ADGRL2: variants seen among roughly 807,000 people sequenced by gnomAD.
The protein encoded by ADGRL2 is adhesion G protein-coupled receptor L2.
A neutral mutation model predicts 157.4 loss-of-function variants in ADGRL2; 44 were observed. The ratio of observed to expected loss-of-function variants is 0.28; its 90% confidence interval spans 0.22 to 0.36. ADGRL2 has a LOEUF of 0.36. Ranked by LOEUF, ADGRL2 falls within the 10% of genes least tolerant of loss-of-function variation. ADGRL2 has a pLI of 1.00. For synonymous variants in ADGRL2, 585 were observed against 624.7 expected, an observed-to-expected ratio of 0.94 and a Z score of 0.95; for missense variants, 1,510 against 1,768.9, an observed-to-expected ratio of 0.85 and a Z score of 2.63.
At chr1:81,540,416 T>G (rs1032403215) in intron 2 of ADGRL2, among the ~76,000 whole-genome samples, 5 of 152,206 alleles carry the variant, frequency 3.3e-5, no homozygotes, top group African/African-American at 7.2e-5. Flanking sequence ...AGAGCAAGAT[T>G]GGCACAGTGC....
At chr1:81,641,731 A>G (rs965424403) in intron 3 of ADGRL2, among the ~76,000 whole-genome samples, 4 of 152,340 alleles carry the variant, frequency 2.6e-5, no homozygotes, top group South Asian at 4.1e-4. Flanking sequence ...GGAAAAAGGA[A>G]ATATCTAAAA....
At chr1:81,448,180 T>G (rs1305697112) in intron 2 of ADGRL2, among the ~76,000 whole-genome samples, 1 of 143,262 alleles carries the variant, frequency 7.0e-6, no homozygotes, top group Non-Finnish European at 1.5e-5. Context: ...AGTCTCGCTC[T>G]GTGGCCCAGG....
At chr1:81,587,911 A>G (rs2081059387) in intron 3 of ADGRL2, among the ~76,000 whole-genome samples, 1 of 152,152 alleles carries the variant, frequency 6.6e-6, no homozygotes, top group Admixed American at 6.6e-5. Flanking sequence ...TGTGCATACT[A>G]TCGGGTTTGG....
In ADGRL2 at chr1:81,490,782, T is replaced by C. The variant is rs551306130; in HGVS notation, c.-248+45693T>C. On this transcript the variant is annotated intron_variant, in intron 2 of 24. Transcript: ENST00000370721. ...TGGAAGGTACTTGAAATTTTAGTCCTAAGCATATCCTTTACATAAATGCAT... is the reference window on the plus strand; with the variant it reads ...TGGAAGGTACTTGAAATTTTAGTCCCAAGCATATCCTTTACATAAATGCAT... Among the ~76,000 whole-genome samples, 171 of 152,320 alleles carry C rather than the reference T, an allele frequency of 1.1e-3. 2 individuals carry two copies. The highest frequency in any genetic ancestry group is 9.2e-3 in the Admixed American group (141 of 15,298).
intron 3 of ADGRL2, among the ~76,000 whole-genome samples, chr1:81,646,599 A>C (rs1032522753): frequency 1.3e-5 from 2 of 152,230 alleles, no homozygotes; most frequent in African/African-American, 4.8e-5. Flanking sequence ...ATTAATTAAC[A>C]GGAGCCATAG....
At chr1:81,585,006 A>C (rs545418975) in intron 3 of ADGRL2, among the ~76,000 whole-genome samples, 1 of 152,268 alleles carries the variant, frequency 6.6e-6, no homozygotes, top group African/African-American at 2.4e-5. Context: ...AAATTCCTTT[A>C]TATTTTATAT....
At chr1:81,839,834 T>C (rs1296631358) in intron 2 of ADGRL2, among the ~76,000 whole-genome samples, 1 of 79,328 alleles carries the variant, frequency 1.3e-5, no homozygotes, top group Admixed American at 1.5e-4. Context: ...TTCCATCATA[T>C]ATATATGTTT....
chr1:81,682,344 G>C (rs941221433), intron 3 of ADGRL2, among the ~76,000 whole-genome samples: 1 of 152,154 alleles, frequency 6.6e-6, no homozygotes, highest in Non-Finnish European at 1.5e-5. Context: ...TTAAGAATCA[G>C]AGAGTGATTA....
At chr1:81,611,039 A>T (rs2081531288) in intron 3 of ADGRL2, among the ~76,000 whole-genome samples, 1 of 152,142 alleles carries the variant, frequency 6.6e-6, no homozygotes, top group Admixed American at 6.5e-5. Context: ...AGGCTAATAA[A>T]TTTTTTCAGA....
chr1:81,468,532 C>A (rs1319103790), intron 2 of ADGRL2, among the ~76,000 whole-genome samples: 1 of 152,082 alleles, frequency 6.6e-6, no homozygotes, highest in Non-Finnish European at 1.5e-5. Context: ...GAATACAAAC[C>A]ATGTTTTTTA....
intron 1 of ADGRL2, among the ~76,000 whole-genome samples, chr1:81,339,493 T>C (rs1661902952): frequency 6.6e-6 from 1 of 152,112 alleles, no homozygotes. Context: ...TCCCAGTTCC[T>C]ACCACAGTGC....
chr1:81,585,993 G>A (rs1557484111), intron 3 of ADGRL2: 1 of 151,784 alleles, frequency 6.6e-6, no homozygotes, highest in Non-Finnish European at 1.5e-5. Flanking sequence ...TAGAGGATGA[G>A]CAAAAAGGTC....
At chr1:81,793,958 A>G (rs975415765) in intron 2 of ADGRL2, among the ~76,000 whole-genome samples, 2 of 152,070 alleles carry the variant, frequency 1.3e-5, no homozygotes, top group African/African-American at 2.4e-5. Context: ...AATAATTCAC[A>G]TTCTTGGGTT....
At chr1:81,468,308 G>C (rs1485514375) in intron 2 of ADGRL2, among the ~76,000 whole-genome samples, 1 of 152,016 alleles carries the variant, frequency 6.6e-6, no homozygotes, top group Non-Finnish European at 1.5e-5. Context: ...TGCTGATACT[G>C]GTTTCTTATA....
At chr1:81,714,965 T>C (rs1396012631) in intron 1 of ADGRL2, among the ~76,000 whole-genome samples, 1 of 152,060 alleles carries the variant, frequency 6.6e-6, no homozygotes, top group Non-Finnish European at 1.5e-5. Context: ...TGTTTCTTTT[T>C]CTTTGATGCA....
At chr1:81,766,355 C>G (rs1411238319) in intron 2 of ADGRL2, among the ~76,000 whole-genome samples, 1 of 152,010 alleles carries the variant, frequency 6.6e-6, no homozygotes, top group African/African-American at 2.4e-5. Context: ...CGTAAGTTGG[C>G]TTCTGAAATG....
intron 2 of ADGRL2, among the ~76,000 whole-genome samples, chr1:81,841,376 C>G (rs1222977090): frequency 1.3e-5 from 2 of 152,026 alleles, no homozygotes; most frequent in Non-Finnish European, 2.9e-5. Context: ...TTAATGTTCT[C>G]TCTCTAAAAA....
intron 2 of ADGRL2, among the ~76,000 whole-genome samples, chr1:81,871,853 T>C (rs2093704092): frequency 6.6e-6 from 1 of 152,202 alleles, no homozygotes; most frequent in Non-Finnish European, 1.5e-5. Context: ...ATGGGTAGAT[T>C]GCAAAAATTT....
intron 3 of ADGRL2, among the ~76,000 whole-genome samples, chr1:81,607,085 T>C (rs2081449662): frequency 6.6e-6 from 1 of 152,218 alleles, no homozygotes; most frequent in African/African-American, 2.4e-5. Flanking sequence ...TAAGCTAAGC[T>C]TTTCTTTGAA....
Sources: gnomAD v4.1 joint callset for allele counts (sites outside exome capture counted in the v4.1 genomes callset) on GRCh38, gnomAD v4.1.1 for gene constraint, MANE v1.5 for transcripts, NCBI Gene and HGNC (gene_info 2026-07-23, HGNC 2026-07-21) for gene names.